Variants in ANXA4 observed in about 807,000 individuals in gnomAD.
ANXA4 encodes annexin A4, also known as 35-beta calcimedin.
Under a neutral mutation model 49.8 loss-of-function variants are expected in ANXA4, and 39 were observed. That is an observed-to-expected ratio of 0.78 (90% CI 0.61 to 1.02). The LOEUF (loss-of-function observed/expected upper bound fraction) is 1.02, where lower values mean the gene tolerates loss of function less well. Ranked by LOEUF, ANXA4 falls within the 50% of genes least tolerant of loss-of-function variation. The pLI, the probability that ANXA4 is intolerant of heterozygous loss-of-function variation, is 0.00. For missense variants in ANXA4, 360 were observed against 410.1 expected (o/e 0.88, Z 1.05); for synonymous variants, 134 against 152.5 (o/e 0.88, Z 0.89).
chr2:69,724,604 C>T (rs796247560), intron 3 of ANXA4, among the ~76,000 whole-genome samples: 6 of 152,106 alleles, frequency 3.9e-5, no homozygotes, highest in African/African-American at 1.4e-4. Flanking sequence ...TCAGAAGATC[C>T]TTTCAAGCCC....
chr2:69,774,487 C>G (rs972917547), intron 1 of ANXA4, among the ~76,000 whole-genome samples: 1 of 151,630 alleles, frequency 6.6e-6, no homozygotes, highest in Non-Finnish European at 1.5e-5. Flanking sequence ...TACAGGCACC[C>G]GCCACCATGC....
intron 1 of ANXA4, among the ~76,000 whole-genome samples, chr2:69,647,377 T>G (rs1198455115): frequency 6.9e-6 from 1 of 145,632 alleles, no homozygotes; most frequent in Non-Finnish European, 1.5e-5. Context: ...TGTTTTATTG[T>G]TTTATTTTTA....
At chr2:69,670,319 A>G (rs1268553536) in intron 2 of ANXA4, among the ~76,000 whole-genome samples, 2 of 151,828 alleles carry the variant, frequency 1.3e-5, no homozygotes, top group Non-Finnish European at 2.9e-5. Context: ...ACACACTTCT[A>G]GTCCCAGCTA....
At chr2:69,731,834 G>A (rs1480311403) in intron 3 of ANXA4, among the ~76,000 whole-genome samples, 1 of 152,086 alleles carries the variant, frequency 6.6e-6, no homozygotes, top group Admixed American at 6.6e-5. Flanking sequence ...GGTCAAATAA[G>A]GTTTCTCTTT....
intron 12 of ANXA4, among the ~76,000 whole-genome samples, chr2:69,824,724 A>G (rs1674389345): frequency 6.6e-6 from 1 of 152,128 alleles, no homozygotes; most frequent in African/African-American, 2.4e-5. Context: ...CCTGCATACA[A>G]TGGGATATTC....
At chr2:69,674,742 T>C (rs761353035) in intron 2 of ANXA4, among the ~76,000 whole-genome samples, 1 of 152,124 alleles carries the variant, frequency 6.6e-6, no homozygotes, top group Non-Finnish European at 1.5e-5. Context: ...TTTCTAGAAA[T>C]ATTGAAATAT....
intron 8 of ANXA4, chr2:69,814,652 A>T (rs4852335): frequency 0.14 from 20,850 of 152,162 alleles, 3,785 homozygotes; most frequent in African/African-American, 0.39. Context: ...CCCAGCCCAC[A>T]ACTATGCTTT....
rs115632610 is a variant in ANXA4 at position 69,770,234 on chromosome 2, A to C, written c.-46-11286A>C. ...CCGTCACTGCAATAAAACTTCCTTTACTTTTAGAAGGATCTAAGTTCCAAG... is the reference window on the plus strand; with the variant it reads ...CCGTCACTGCAATAAAACTTCCTTTCCTTTTAGAAGGATCTAAGTTCCAAG... On this transcript the variant is annotated intron_variant, in intron 1 of 12. Transcript: ENST00000394295. Among the ~76,000 whole-genome samples, 824 of 152,262 alleles carry C rather than the reference A, an allele frequency of 5.4e-3. 9 individuals carry two copies. Among genetic ancestry groups the C allele is most frequent in the African/African-American group, 0.017 (726 of 41,532 alleles).
chr2:69,666,559 T>C (rs115493505), intron 2 of ANXA4, among the ~76,000 whole-genome samples: 4 of 152,218 alleles, frequency 2.6e-5, no homozygotes, highest in Non-Finnish European at 4.4e-5. Flanking sequence ...GCATTATTCA[T>C]AGTAGCCGAA....
rs75391878 is a variant in ANXA4, at chr2:69,759,439, G to A, written c.-47+17264G>A. On this transcript the variant is annotated intron_variant, in intron 1 of 12. Transcript: ENST00000394295. ...TAATAATCTACAAAATAAAATGAAAGGGTGAAATAGATGATTGCTAAAGGC... is the reference window on the plus strand; with the variant it reads ...TAATAATCTACAAAATAAAATGAAAAGGTGAAATAGATGATTGCTAAAGGC... Among the ~76,000 whole-genome samples, 109 of 152,250 alleles carry A rather than the reference G, an allele frequency of 7.2e-4. 1 individual carries two copies. The East Asian group carries it at 0.02, about 29-fold the overall frequency.
rs564142119 is a variant in ANXA4, at chr2:69,662,819, C to G, written n.766+9537C>G. On this transcript the variant is annotated intron_variant and non_coding_transcript_variant, in intron 2 of 3. Transcript: ENST00000418066. ...ACTCTTAGGGTTGCGAGATAAAATA[C>G]AGGACACTTAGTTAAATTTGATTTT... Among the ~76,000 whole-genome samples, 124 of 152,088 alleles carry G rather than the reference C, an allele frequency of 8.2e-4. 1 individual carries two copies. Among genetic ancestry groups the G allele is most frequent in the African/African-American group, 2.7e-3 (113 of 41,478 alleles).
chr2:69,675,692 G>A (rs948802099), intron 2 of ANXA4, among the ~76,000 whole-genome samples: 3 of 152,084 alleles, frequency 2.0e-5, no homozygotes, highest in African/African-American at 7.2e-5. Context: ...GGAGAGTTGT[G>A]GGGATAGATG....
At chr2:69,757,826 G>A (rs1274951086) in intron 1 of ANXA4, among the ~76,000 whole-genome samples, 2 of 151,780 alleles carry the variant, frequency 1.3e-5, no homozygotes, top group Admixed American at 6.6e-5. Context: ...GGGCATAGTG[G>A]TGTGTGCCTA....
chr2:69,706,486 A>G (rs897211652), intron 2 of ANXA4, among the ~76,000 whole-genome samples: 1 of 151,280 alleles, frequency 6.6e-6, no homozygotes, highest in Non-Finnish European at 1.5e-5. Context: ...TTTTTAGTAG[A>G]GACGGGGGTT....
chr2:69,702,851 T>C (rs1678375382), intron 2 of ANXA4, among the ~76,000 whole-genome samples: 1 of 152,224 alleles, frequency 6.6e-6, no homozygotes, highest in Admixed American at 6.5e-5. Context: ...TTTTAAAATA[T>C]AAAACTGTTC....
At chr2:69,645,144 C>A (rs1381363779) in intron 1 of ANXA4, among the ~76,000 whole-genome samples, 1 of 152,068 alleles carries the variant, frequency 6.6e-6, no homozygotes. Context: ...AAAAATGGTT[C>A]TTGCTTTCTC....
At chr2:69,671,017 C>T (rs577553831) in intron 2 of ANXA4, among the ~76,000 whole-genome samples, 141 of 120,970 alleles carry the variant, frequency 1.2e-3, no homozygotes, top group African/African-American at 4.3e-3. Context: ...CAGAGTCAGA[C>T]TCCATCTCAA....
chr2:69,686,543 C>G (rs1443019348), intron 2 of ANXA4, among the ~76,000 whole-genome samples: 1 of 152,210 alleles, frequency 6.6e-6, no homozygotes, highest in Non-Finnish European at 1.5e-5. Flanking sequence ...GCCTCAATCT[C>G]CCAGGCTCAA....
At chr2:69,717,576 T>C (rs1248393380) in intron 2 of ANXA4, among the ~76,000 whole-genome samples, 2 of 152,228 alleles carry the variant, frequency 1.3e-5, no homozygotes, top group Admixed American at 6.5e-5. Flanking sequence ...CCCATCCTTT[T>C]CATTTCTGGA....
Sources: allele counts gnomAD v4.1 joint callset (sites outside exome capture counted in the v4.1 genomes callset), GRCh38; gene constraint gnomAD v4.1.1; transcripts MANE v1.5; gene names NCBI Gene and HGNC (gene_info 2026-07-23, HGNC 2026-07-21).